The following NXN variants were observed in gnomAD, a reference collection of about 807,000 sequenced individuals.
The protein encoded by NXN is nucleoredoxin 1.
Under a neutral mutation model 48.6 loss-of-function variants are expected in NXN, and 16 were observed. That is an observed-to-expected ratio of 0.33 (90% CI 0.22 to 0.50). The LOEUF (loss-of-function observed/expected upper bound fraction) is 0.50. Ranked by LOEUF, NXN falls within the 20% of genes least tolerant of loss-of-function variation. NXN has a pLI of 0.98. For synonymous variants in NXN, 281 were observed against 269.6 expected, an observed-to-expected ratio of 1.04 and a Z score of -0.41; for missense variants, 492 against 605.5, an observed-to-expected ratio of 0.81 and a Z score of 1.97.
chr17:938,294 T>C (rs1316455339), intron 1 of NXN, among the ~76,000 whole-genome samples: 1 of 152,222 alleles, frequency 6.6e-6, no homozygotes, highest in African/African-American at 2.4e-5. Flanking sequence ...CGGTTAGATC[T>C]AGAGCAGGCG....
rs1353964369 is a variant in NXN, at chr17:819,468, G to A, written c.791C>T (p.Ser264Leu). The stretch of plus-strand genomic sequence containing the variant: ...GATTCCGTACAGCCGGTTGAGGCGC[G>A]ACCGCCGGGCCTCATCCGTGTAGGG... ...AVPYTDEARR[S>L]RLNRLYGIQG... The change falls in exon 5 of 8, where the codon TCG becomes TTG. Residue 264 changes from serine (S) to leucine (L), a missense_variant. By Grantham distance (145) the Ser-to-Leu change is moderately radical (BLOSUM62 -2). Around this residue, in one of 3 missense-constraint regions of NXN, gnomAD observed 303 missense variants for 388.3 expected, o/e 0.78. Coordinates refer to ENST00000336868, the MANE Select transcript of NXN (RefSeq NM_022463.5). 15 of 1,614,082 alleles carry A rather than the reference G, an allele frequency of 9.3e-6. No homozygotes were observed. Among genetic ancestry groups the A allele is most frequent in the South Asian group, 2.2e-5 (2 of 91,042 alleles).
intron 1 of NXN, among the ~76,000 whole-genome samples, chr17:945,665 G>A (rs1252421855): frequency 6.6e-6 from 1 of 150,618 alleles, no homozygotes; most frequent in African/African-American, 2.4e-5. Context: ...CCAGATGACA[G>A]AGTTAGATGT....
chr17:823,614 G>T lies in NXN; in HGVS notation c.612+18C>A. ...ACTGCTTCCTTCTGTCTGAGCCAAA[G>T]GGGGTCCAAACACTCACCCAATGTG... On this transcript the variant is annotated intron_variant, in intron 3 of 7. Transcript: ENST00000336868. 1 of 1,613,788 alleles carries T rather than the reference G, an allele frequency of 6.2e-7. No individual in the cohort carries two copies.
At position 835,336 on chromosome 17, in the gene NXN, G is replaced by GCAAACCCC. The variant is rs1195039718; in HGVS notation, c.361-9266_361-9259dup. 4.7e-5 allele frequency among the ~76,000 whole-genome samples: 7 copies of GCAAACCCC among 149,868 alleles called. No individual in the cohort carries two copies. In the East Asian group the frequency reaches 1.4e-3, roughly 29 times the overall value. ...AAAAAAAAAAAAAGAAAACGTCATA[G>GCAAACCCC]CAAACCCCCAACGCCTACAACTCTA... On this transcript the variant is annotated intron_variant, in intron 1 of 7. Coordinates refer to ENST00000336868, the MANE Select transcript of NXN (RefSeq NM_022463.5).
At chr17:896,861 GCC>G in intron 1 of NXN, 4 of 1,125,938 alleles carry the variant, frequency 3.6e-6, no homozygotes, top group Non-Finnish European at 2.2e-6. Flanking sequence ...CTGACCACCC[GCC>G]CCCGGCCCCT....
chr17:979,511 G>T lies in NXN; in HGVS notation c.168C>A (p.Phe56Leu), dbSNP rs760946964. 19 of 1,248,970 alleles carry T rather than the reference G, an allele frequency of 1.5e-5. No individual in the cohort carries two copies. Among genetic ancestry groups the T allele is most frequent in the Non-Finnish European group, 1.8e-5 (18 of 991,646 alleles). 77.4% of individuals were successfully genotyped at this position (1,248,970 alleles called of 1,614,324 possible). A position where few individuals can be genotyped will look rare whatever the true frequency, so the allele number is the denominator to read the frequency against. ...CCGCGTCCCCCCGCAGGCGCCCGTA[G>T]AAGGCGGCCAGGCTGGCGCTGAGCT... Reference protein sequence around the residue: ...CAQLSASLAAFYGRLRGDAAA... With the variant: ...CAQLSASLAALYGRLRGDAAA... Residue 56 changes from phenylalanine (F) to leucine (L), a missense_variant, in exon 1 of 8, where the codon TTC (phenylalanine) becomes TTA (leucine). Physicochemically the swap from Phe to Leu is conservative, Grantham distance 22. Coordinates refer to ENST00000336868, the MANE Select transcript of NXN (RefSeq NM_022463.5).
At chr17:921,458 C>T (rs1015440830) in intron 1 of NXN, among the ~76,000 whole-genome samples, 1 of 152,174 alleles carries the variant, frequency 6.6e-6, no homozygotes, top group Middle Eastern at 3.2e-3. Flanking sequence ...ACGCTTCCCG[C>T]ACCTCTCCTG....
chr17:853,841 A>G (rs1385080478), intron 1 of NXN, among the ~76,000 whole-genome samples: 1 of 150,022 alleles, frequency 6.7e-6, no homozygotes, highest in South Asian at 2.1e-4. Flanking sequence ...CTCCTGCCCC[A>G]GCCTCCCAAG....
chr17:819,981 G>A (rs2474691), intron 4 of NXN, among the ~76,000 whole-genome samples: 101,941 of 152,058 alleles, frequency 0.67, 34,924 homozygotes, highest in African/African-American at 0.81. Flanking sequence ...AAAAACCCTA[G>A]GAAAGGCACA....
intron 5 of NXN, among the ~76,000 whole-genome samples, chr17:808,228 C>A (rs921343231): frequency 6.6e-6 from 1 of 152,194 alleles, no homozygotes; most frequent in Non-Finnish European, 1.5e-5. Flanking sequence ...GCTGAGACCA[C>A]AGCCACCATT....
At chr17:974,306 G>A (rs966345690) in intron 1 of NXN, among the ~76,000 whole-genome samples, 12 of 151,720 alleles carry the variant, frequency 7.9e-5, no homozygotes, top group African/African-American at 1.2e-4. Flanking sequence ...AGCCGAGATC[G>A]CACCACTGCA....
chr17:890,413 G>A (rs1345505283), intron 1 of NXN, among the ~76,000 whole-genome samples: 3 of 152,002 alleles, frequency 2.0e-5, no homozygotes, highest in South Asian at 2.1e-4. Flanking sequence ...TCACTCTGTC[G>A]CCCAGGCTGG....
chr17:889,759 G>A (rs62068446), intron 1 of NXN, among the ~76,000 whole-genome samples: 145 of 59,774 alleles, frequency 2.4e-3, no homozygotes, highest in African/African-American at 0.011. Context: ...AAGAAAGAAA[G>A]AAAAAGAAAG....
chr17:852,000 G>A (rs988689797), intron 1 of NXN, among the ~76,000 whole-genome samples: 5 of 152,206 alleles, frequency 3.3e-5, no homozygotes, highest in Non-Finnish European at 5.9e-5. Context: ...GCTGGAAAAA[G>A]CACGCTGTAG....
chr17:937,446 G>A (rs1020888275), intron 1 of NXN, among the ~76,000 whole-genome samples: 51 of 152,076 alleles, frequency 3.4e-4, no homozygotes, highest in African/African-American at 1.2e-3. Flanking sequence ...GCGGTGATCC[G>A]TACACAGTGA....
chr17:872,499 A>ACAC (rs35243151), intron 1 of NXN, among the ~76,000 whole-genome samples: 32,689 of 151,778 alleles, frequency 0.22, 3,771 homozygotes, highest in Middle Eastern at 0.36. Flanking sequence ...GTTTGAGGAA[A>ACAC]CACCAGCCTA....
At chr17:968,652 G>A (rs2069335229) in intron 1 of NXN, among the ~76,000 whole-genome samples, 1 of 152,214 alleles carries the variant, frequency 6.6e-6, no homozygotes, top group Non-Finnish European at 1.5e-5. Context: ...GGAAAATGAA[G>A]AGAGGCCAGG....
chr17:948,370 AAAG>A (rs1157397156), intron 1 of NXN, among the ~76,000 whole-genome samples: 3 of 152,306 alleles, frequency 2.0e-5, no homozygotes, highest in Non-Finnish European at 2.9e-5. Context: ...AACAGAAAAA[AAAG>A]AAGAAAATAA....
intron 1 of NXN, among the ~76,000 whole-genome samples, chr17:939,985 G>A (rs1021539116): frequency 2.0e-5 from 3 of 151,202 alleles, no homozygotes; most frequent in East Asian, 2.0e-4. Flanking sequence ...CCAGGCTGGA[G>A]TGCAGTGGTG....
Sources: gnomAD v4.1 joint callset for allele counts (sites outside exome capture counted in the v4.1 genomes callset) on GRCh38, gnomAD v4.1.1 for gene constraint, gnomAD v4.1.1 regional missense constraint, MANE v1.5 for transcripts, NCBI Gene and HGNC (gene_info 2026-07-23, HGNC 2026-07-21) for gene names.